Variants in HHIPL1 observed in about 807,000 individuals in gnomAD.
HHIPL1 encodes the protein HHIP like 1, also known as HHIP-like protein 1.
Under a neutral mutation model 61.8 loss-of-function variants are expected in HHIPL1, and 43 were observed. That is an observed-to-expected ratio of 0.70 (90% CI 0.55 to 0.90). The LOEUF (loss-of-function observed/expected upper bound fraction) is 0.90, where lower values mean the gene tolerates loss of function less well. Among genes scored for constraint, HHIPL1 ranks in the 40% least tolerant of loss-of-function variants. The pLI, the probability that HHIPL1 is intolerant of heterozygous loss-of-function variation, is 0.00. For missense variants in HHIPL1, 1,056 were observed against 1,157.7 expected, an observed-to-expected ratio of 0.91 and a Z score of 1.28; for synonymous variants, 482 against 515.8, an observed-to-expected ratio of 0.93 and a Z score of 0.89.
At chr14:99,618,264 G>A in the HHIPL1 span, among the ~76,000 whole-genome samples, 1 of 152,230 alleles carries the variant, frequency 6.6e-6, no homozygotes, top group African/African-American at 2.4e-5. Context: ...GGGAATCCCA[G>A]AGCTTTGTCC....
At chr14:99,610,396 G>A in the HHIPL1 span, among the ~76,000 whole-genome samples, 6 of 152,126 alleles carry the variant, frequency 3.9e-5, no homozygotes, top group Non-Finnish European at 8.8e-5. Context: ...CCCGACCCAA[G>A]GGTATCTGGG....
At chr14:99,659,857 C>CG in intron 4 of HHIPL1, 101 bp downstream of exon 4, 1 of 620,978 alleles carries the variant, frequency 1.6e-6, no homozygotes, top group Non-Finnish European at 2.4e-6. Context: ...CCCCCCCCCC[C>CG]CCGGAGATCC....
Position 99,645,241 on chromosome 14 carries a change from CT to C in HHIPL1, c.37del (p.Trp13GlyfsTer44). The C allele has an allele frequency of 7.4e-7, 1 of 1,355,474 alleles. No homozygotes were observed. The highest frequency in any genetic ancestry group is 1.8e-5 in the South Asian group (1 of 55,636). 84.0% of individuals were successfully genotyped at this position (1,355,474 alleles called of 1,614,324 possible). ...ARARAGALLALWVLGAAAHPQ... is the reference protein window; with the variant it reads ...ARARAGALLAXWVLGAAAHPQ... The stretch of plus-strand genomic sequence containing the variant: ...GGCCAGGGCCGGGGCGCTGCTGGCG[CT>C]TTGGGTGCTCGGGGCCGCCGCGCAT... On this transcript the variant is annotated frameshift_variant, in exon 1 of 9. Coordinates refer to ENST00000330710, the MANE Select transcript of HHIPL1 (RefSeq NM_001127258.3). LOFTEE classifies it high-confidence loss of function.
Position 99,676,850 on chromosome 14 carries a change from A to G in HHIPL1, c.*1224A>G, listed in dbSNP as rs1595174940. ...AGGGGCACTTAGTATGACTGCGCTC[A>G]GCCTCGGATGGGAGCACGGGTGGGG... On this transcript the variant is annotated 3_prime_UTR_variant, in exon 9 of 9. Transcript: ENST00000330710. 1.8e-5 allele frequency: 2 copies of G among 113,322 alleles called. No individual in the cohort carries two copies. Among genetic ancestry groups the G allele is most frequent in the South Asian group, 3.7e-4 (1 of 2,736 alleles). The allele number at this position is 113,322 out of a possible 1,614,324, so 7.0% of individuals were successfully genotyped here. A position where few individuals can be genotyped will look rare whatever the true frequency, so the allele number is the denominator to read the frequency against.
intron 2 of HHIPL1, among the ~76,000 whole-genome samples, chr14:99,655,184 G>A (rs1281162621): frequency 6.6e-6 from 1 of 152,176 alleles, no homozygotes; most frequent in African/African-American, 2.4e-5. Context: ...GGAGAACCTG[G>A]AGTTTGGAGC....
chr14:99,637,185 AATGGAAG>A, the HHIPL1 span, among the ~76,000 whole-genome samples: 1 of 109,732 alleles, frequency 9.1e-6, no homozygotes, highest in South Asian at 3.2e-4. Context: ...AGAAAGAAAG[AATGGAAG>A]AAAGAAAGGA....
At chr14:99,643,962 G>C (rs751984512), upstream of HHIPL1, among the ~76,000 whole-genome samples, 13 of 152,208 alleles carry the variant, frequency 8.5e-5, no homozygotes, top group Non-Finnish European at 1.6e-4. Context: ...CTGATCTCAA[G>C]GTTACTTCAC....
chr14:99,664,052 G>A (rs1566814454), intron 6 of HHIPL1, among the ~76,000 whole-genome samples: 1 of 152,224 alleles, frequency 6.6e-6, no homozygotes, highest in Non-Finnish European at 1.5e-5. Flanking sequence ...CAATGCAAGG[G>A]ACAGAGTGGG....
chr14:99,612,396 A>T, the HHIPL1 span, among the ~76,000 whole-genome samples: 1 of 152,198 alleles, frequency 6.6e-6, no homozygotes, highest in Non-Finnish European at 1.5e-5. Context: ...GCCAAATTTC[A>T]TACTGGAGGT....
chr14:99,613,842 G>A, the HHIPL1 span, among the ~76,000 whole-genome samples: 1 of 151,982 alleles, frequency 6.6e-6, no homozygotes, highest in Non-Finnish European at 1.5e-5. Flanking sequence ...ACCCAGGAGT[G>A]GGAGGTTGCA....
the HHIPL1 span, among the ~76,000 whole-genome samples, chr14:99,631,619 T>A: frequency 6.6e-6 from 1 of 152,192 alleles, no homozygotes; most frequent in African/African-American, 2.4e-5. Context: ...AGGGACCCTC[T>A]GTGACTTCTG....
At chr14:99,662,483 C>T (rs938797158) in intron 5 of HHIPL1, among the ~76,000 whole-genome samples, 2 of 152,156 alleles carry the variant, frequency 1.3e-5, no homozygotes, top group Non-Finnish European at 2.9e-5. Flanking sequence ...GTAACCAAGC[C>T]GGTCTTGTTC....
At chr14:99,618,243 C>T in the HHIPL1 span, among the ~76,000 whole-genome samples, 1 of 152,220 alleles carries the variant, frequency 6.6e-6, no homozygotes, top group Non-Finnish European at 1.5e-5. Context: ...CTGCACAAGA[C>T]TTGGCATCCT....
chr14:99,637,099 G>A, the HHIPL1 span, among the ~76,000 whole-genome samples: 3 of 74,886 alleles, frequency 4.0e-5, no homozygotes, highest in Non-Finnish European at 6.2e-5. Context: ...AAAGAAGGAA[G>A]GAAAAAAGAA....
At chr14:99,628,053 A>G in the HHIPL1 span, among the ~76,000 whole-genome samples, 1 of 152,136 alleles carries the variant, frequency 6.6e-6, no homozygotes, top group Non-Finnish European at 1.5e-5. Context: ...GGGGCAGGCC[A>G]TGAGGGACTG....
rs531338467 is a variant in HHIPL1 at position 99,646,347 on chromosome 14, T to G, written c.255+885T>G. 2.2e-4 allele frequency among the ~76,000 whole-genome samples: 33 copies of G among 152,374 alleles called. No homozygotes were observed. In the South Asian group the frequency reaches 2.3e-3, roughly 11 times the overall value. ...AGAGGCCCCAGGGGCCAGGGCCGTG[T>G]CCCAGCCTTCGGCCAGCAGGGGCAG... is the stretch of plus-strand genomic sequence containing the variant. On this transcript the variant is annotated intron_variant, in intron 1 of 8. Coordinates refer to ENST00000330710, the MANE Select transcript of HHIPL1 (RefSeq NM_001127258.3).
chr14:99,668,836 A>C lies in HHIPL1; in HGVS notation c.1730+533A>C. ...TCTCCCCGGCTTCCCTTCTAGCTGT[A>C]AGGCCAGAAGCGCCATGCCCGGCTA... On this transcript the variant is annotated intron_variant, in intron 7 of 8. Transcript: ENST00000330710. This position sits in a 1 kb window ranked among gnomAD's most constrained non-coding sequence, Gnocchi z 4.7. 8.1e-6 allele frequency: 13 copies of C among 1,613,744 alleles called. No individual in the cohort carries two copies. Among genetic ancestry groups the C allele is most frequent in the Non-Finnish European group, 1.0e-5 (12 of 1,179,984 alleles).
rs576449955 is a variant in HHIPL1 at position 99,645,436 on chromosome 14, G to C, written c.229G>C (p.Gly77Arg). ...VDAAEWAACA[G>R]YARDLLCQEC... The stretch of plus-strand genomic sequence containing the variant: ...CGCCGCCGAGTGGGCCGCGTGCGCC[G>C]GCTACGCGAGGGACCTGCTGTGCCA... Residue 77 changes from glycine (G) to arginine (R), a missense_variant, in exon 1 of 9, where the codon GGC (glycine) becomes CGC (arginine). Transcript: ENST00000330710. 5 of 1,356,472 alleles carry C rather than the reference G, an allele frequency of 3.7e-6. No individual in the cohort carries two copies. In the South Asian group the frequency reaches 9.1e-5, roughly 25 times the overall value. The allele number at this position is 1,356,472 out of a possible 1,614,324, so 84.0% of individuals were successfully genotyped here. A position where few individuals can be genotyped will look rare whatever the true frequency, so the allele number is the denominator to read the frequency against.
intron 3 of HHIPL1, among the ~76,000 whole-genome samples, chr14:99,657,708 TACAC>T (rs554733882): frequency 3.9e-5 from 6 of 151,974 alleles, no homozygotes; most frequent in Non-Finnish European, 8.8e-5. Context: ...CAAATATGCA[TACAC>T]ACACATGTAC....
Sources: allele counts gnomAD v4.1 joint callset (sites outside exome capture counted in the v4.1 genomes callset), GRCh38; gene constraint gnomAD v4.1.1; non-coding constraint Gnocchi (gnomAD v3.1); transcripts MANE v1.5; gene names NCBI Gene and HGNC (gene_info 2026-07-23, HGNC 2026-07-21).